Variants in GRIK4 observed in about 807,000 individuals in gnomAD.
GRIK4 encodes glutamate receptor ionotropic, kainate 4.
GRIK4 carries 40 observed loss-of-function variants against 104.9 expected under a neutral mutation model. The observed-to-expected ratio is 0.38, with a 90% CI of 0.30 to 0.50. GRIK4 has a LOEUF of 0.50. Among genes scored for constraint, GRIK4 ranks in the 20% least tolerant of loss-of-function variants. GRIK4 has a pLI of 0.93. For synonymous variants in GRIK4, 485 were observed against 524.9 expected (o/e 0.92, Z 1.04); for missense variants, 1,047 against 1,308.1 (o/e 0.80, Z 3.08).
intron 11 of GRIK4, among the ~76,000 whole-genome samples, chr11:120,896,191 G>A (rs984405888): frequency 6.6e-6 from 1 of 152,228 alleles, no homozygotes; most frequent in Non-Finnish European, 1.5e-5. Flanking sequence ...GAATGGTGGA[G>A]GAGTCAGACA....
At chr11:120,670,554 A>G (rs12365194) in intron 3 of GRIK4, among the ~76,000 whole-genome samples, 90,500 of 152,128 alleles carry the variant, frequency 0.59, 28,109 homozygotes, top group African/African-American at 0.78. Flanking sequence ...CAGGGCCTTC[A>G]CACCTGCTGT....
At chr11:120,755,853 A>T (rs1951642671) in intron 3 of GRIK4, among the ~76,000 whole-genome samples, 1 of 152,154 alleles carries the variant, frequency 6.6e-6, no homozygotes, top group African/African-American at 2.4e-5. Flanking sequence ...AGGACATTTT[A>T]TCATCTCATG....
intron 1 of GRIK4, among the ~76,000 whole-genome samples, chr11:120,605,110 C>T (rs540251449): frequency 6.6e-5 from 10 of 152,332 alleles, no homozygotes; most frequent in South Asian, 2.1e-4. Context: ...ATTGAGATTA[C>T]AGACGTGAGC....
chr11:120,889,965 C>T (rs1483450387), intron 11 of GRIK4, among the ~76,000 whole-genome samples: 1 of 152,070 alleles, frequency 6.6e-6, no homozygotes, highest in African/African-American at 2.4e-5. Flanking sequence ...TCAGATCACC[C>T]TAATAAGGGG....
At chr11:120,872,658 A>G in intron 9 of GRIK4, 1 of 152,646 alleles carries the variant, frequency 6.6e-6, no homozygotes, top group Non-Finnish European at 1.5e-5. Context: ...CTGTAACACC[A>G]CTCCTCCCAG....
Position 120,874,227 on chromosome 11 carries a change from C to G in GRIK4, c.1059+9C>G, listed in dbSNP as rs775656824. The G allele has an allele frequency of 1.9e-6, 3 of 1,606,154 alleles. No homozygotes were observed. The highest frequency in any genetic ancestry group is 2.5e-6 in the Non-Finnish European group (3 of 1,176,812). ...TGAACTACCTGCGCATGGTGAGGAG[C>G]GGCTGAGGCCCTGCAGGGCTGTGCC... On this transcript the variant is annotated intron_variant, in intron 10 of 20. Transcript: ENST00000527524.
At chr11:120,879,041 T>C (rs879637613) in intron 11 of GRIK4, among the ~76,000 whole-genome samples, 10 of 152,314 alleles carry the variant, frequency 6.6e-5, no homozygotes, top group Non-Finnish European at 1.5e-4. Context: ...ACGACAGCCC[T>C]TCAAGGCAGA....
rs778655905 is a variant in GRIK4, at chr11:120,962,447, T to C, written c.2041-9T>C. 2 of 1,594,104 alleles carry C rather than the reference T, an allele frequency of 1.3e-6. No homozygotes were observed. Among genetic ancestry groups the C allele is most frequent in the Non-Finnish European group, 1.7e-6 (2 of 1,163,350 alleles). ...TTCCCAATCCTGCTTCCTTTTGTTC[T>C]TTTCCCAGAATTCCCGCTACCAGAC... On this transcript the variant is annotated splice_polypyrimidine_tract_variant and intron_variant, in intron 17 of 20. Coordinates refer to ENST00000527524, the MANE Select transcript of GRIK4 (RefSeq NM_014619.5).
At chr11:120,812,375 C>T (rs1471566552) in intron 4 of GRIK4, among the ~76,000 whole-genome samples, 3 of 152,196 alleles carry the variant, frequency 2.0e-5, no homozygotes, top group South Asian at 2.1e-4. Flanking sequence ...AAACAAGTTA[C>T]TTAAACTTTC....
intron 19 of GRIK4, among the ~76,000 whole-genome samples, chr11:120,977,659 G>A (rs1479916703): frequency 1.3e-5 from 2 of 152,158 alleles, no homozygotes; most frequent in African/African-American, 4.8e-5. Context: ...TCAGGATGCT[G>A]GAGCCAACAC....
intron 3 of GRIK4, among the ~76,000 whole-genome samples, chr11:120,729,508 T>C (rs1951090762): frequency 6.6e-6 from 1 of 152,196 alleles, no homozygotes; most frequent in Non-Finnish European, 1.5e-5. Flanking sequence ...TCTCTGATCA[T>C]CAGTGATGTT....
chr11:120,696,127 G>T (rs1439016341), intron 3 of GRIK4, among the ~76,000 whole-genome samples: 1 of 152,168 alleles, frequency 6.6e-6, no homozygotes, highest in African/African-American at 2.4e-5. Flanking sequence ...TCCTATAAAT[G>T]ACAATAGAGC....
At chr11:120,647,039 C>A (rs1949554442) in intron 1 of GRIK4, among the ~76,000 whole-genome samples, 1 of 152,152 alleles carries the variant, frequency 6.6e-6, no homozygotes, top group African/African-American at 2.4e-5. Context: ...CAAGTCCAGA[C>A]CCTTTACTAC....
At chr11:120,740,336 C>T (rs1381768251) in intron 3 of GRIK4, among the ~76,000 whole-genome samples, 1 of 152,198 alleles carries the variant, frequency 6.6e-6, no homozygotes, top group Non-Finnish European at 1.5e-5. Flanking sequence ...ACAATCACAG[C>T]CAGCCTTTTG....
intron 7 of GRIK4, among the ~76,000 whole-genome samples, chr11:120,832,854 CCTGGGCTGGTGG>C (rs1953465262): frequency 6.6e-6 from 1 of 152,206 alleles, no homozygotes; most frequent in Non-Finnish European, 1.5e-5. Context: ...GACGTCAGTT[CCTGGGCTGGTGG>C]CTGGGCTGGG....
chr11:120,694,062 G>A (rs1950405251), intron 3 of GRIK4, among the ~76,000 whole-genome samples: 1 of 152,190 alleles, frequency 6.6e-6, no homozygotes, highest in Non-Finnish European at 1.5e-5. Flanking sequence ...ATTCAGCAGG[G>A]GGCAGATGGT....
chr11:120,605,464 C>T (rs914761754), intron 1 of GRIK4, among the ~76,000 whole-genome samples: 3 of 152,200 alleles, frequency 2.0e-5, no homozygotes, highest in Admixed American at 1.3e-4. Context: ...GGGGTCTTTG[C>T]GAGGATGACA....
chr11:120,883,051 C>T (rs959727795), intron 11 of GRIK4, among the ~76,000 whole-genome samples: 1 of 152,236 alleles, frequency 6.6e-6, no homozygotes, highest in Admixed American at 6.5e-5. Flanking sequence ...GCTCCCTCTA[C>T]TGTAGCCTTT....
chr11:120,755,118 C>G, intron 3 of GRIK4, among the ~76,000 whole-genome samples: 1 of 152,158 alleles, frequency 6.6e-6, no homozygotes, highest in East Asian at 1.9e-4. Context: ...AAAGTTTATT[C>G]TTTCAACAGT....
Sources: gnomAD v4.1 joint callset for allele counts (sites outside exome capture counted in the v4.1 genomes callset) on GRCh38, gnomAD v4.1.1 for gene constraint, MANE v1.5 for transcripts, NCBI Gene and HGNC (gene_info 2026-07-23, HGNC 2026-07-21) for gene names.